Variants in UBE2G1 observed in about 807,000 individuals in gnomAD.
UBE2G1 encodes the protein ubiquitin conjugating enzyme E2 G1, also known as ubiquitin-conjugating enzyme E2 G1.
In UBE2G1, 5 loss-of-function variants were observed where a neutral mutation model predicts 22.7. The ratio of observed to expected loss-of-function variants is 0.22; its 90% confidence interval spans 0.12 to 0.46. The LOEUF (loss-of-function observed/expected upper bound fraction) is 0.46, where lower values mean the gene tolerates loss of function less well. Ranked by LOEUF, UBE2G1 falls within the 20% of genes least tolerant of loss-of-function variation. UBE2G1 has a pLI of 0.99. For missense variants in UBE2G1, 88 were observed against 203.9 expected, an observed-to-expected ratio of 0.43 and a Z score of 3.46; for synonymous variants, 74 against 67.5, an observed-to-expected ratio of 1.10 and a Z score of -0.47.
chr17:4,338,203 T>C (rs1160987483), intron 1 of UBE2G1, among the ~76,000 whole-genome samples: 2 of 148,416 alleles, frequency 1.3e-5, no homozygotes, highest in Non-Finnish European at 3.0e-5. Context: ...TTAGGCGCTA[T>C]ATTTTGATGG....
intron 2 of UBE2G1, chr17:4,302,426 C>G (rs1969194643): frequency 2.0e-6 from 1 of 506,904 alleles, no homozygotes; most frequent in Non-Finnish European, 4.0e-6. Flanking sequence ...TTTTGGCCAA[C>G]AGTGGCATCT....
chr17:4,293,008 T>C (rs1428277722), intron 3 of UBE2G1, among the ~76,000 whole-genome samples: 1 of 152,190 alleles, frequency 6.6e-6, no homozygotes, highest in African/African-American at 2.4e-5. Flanking sequence ...TTCACCTATT[T>C]GAAAAGCACG....
intron 5 of UBE2G1, among the ~76,000 whole-genome samples, chr17:4,280,800 A>G (rs1395636984): frequency 6.6e-6 from 1 of 151,484 alleles, no homozygotes; most frequent in Non-Finnish European, 1.5e-5. Context: ...TGCCTGGCTA[A>G]TTTTTTATAT....
chr17:4,351,651 A>C (rs1282348493), intron 1 of UBE2G1, among the ~76,000 whole-genome samples: 1 of 152,258 alleles, frequency 6.6e-6, no homozygotes, highest in East Asian at 1.9e-4. Flanking sequence ...AGAAGAAAAA[A>C]GAATGAACAG....
At chr17:4,277,828 T>G (rs1454183688) in intron 5 of UBE2G1, among the ~76,000 whole-genome samples, 2 of 151,934 alleles carry the variant, frequency 1.3e-5, no homozygotes, top group Non-Finnish European at 2.9e-5. Flanking sequence ...GATAAAGCCG[T>G]GAGAAAAGCC....
intron 4 of UBE2G1, among the ~76,000 whole-genome samples, chr17:4,284,580 G>T (rs951825008): frequency 6.6e-6 from 1 of 151,292 alleles, no homozygotes; most frequent in Non-Finnish European, 1.5e-5. Flanking sequence ...CAGCCTGGGC[G>T]ACAGAGCGAG....
chr17:4,344,269 G>A (rs757824822), intron 1 of UBE2G1, among the ~76,000 whole-genome samples: 26 of 152,144 alleles, frequency 1.7e-4, no homozygotes, highest in Admixed American at 5.9e-4. Context: ...GGCCGGGCGC[G>A]GTGGCTCGCG....
intron 1 of UBE2G1, among the ~76,000 whole-genome samples, chr17:4,340,724 G>A (rs529049421): frequency 6.6e-6 from 1 of 152,044 alleles, no homozygotes; most frequent in African/African-American, 2.4e-5. Context: ...GTCTCGGGCA[G>A]TTCTTTATAG....
intron 2 of UBE2G1, chr17:4,302,646 A>AC (rs1969198279): frequency 3.1e-6 from 1 of 327,856 alleles, no homozygotes; most frequent in East Asian, 7.3e-5. Context: ...CAGGGTGAGA[A>AC]CCTAAATTAT....
At chr17:4,279,073 G>A (rs548634313) in intron 5 of UBE2G1, among the ~76,000 whole-genome samples, 31 of 152,182 alleles carry the variant, frequency 2.0e-4, no homozygotes, top group African/African-American at 7.2e-4. Flanking sequence ...TCAGGAGTTC[G>A]AGGCCAGCCT....
chr17:4,287,394 G>A (rs1225723428), intron 4 of UBE2G1, among the ~76,000 whole-genome samples: 1 of 152,022 alleles, frequency 6.6e-6, no homozygotes, highest in African/African-American at 2.4e-5. Flanking sequence ...GAGCCACCAC[G>A]CCTGGCCAAC....
chr17:4,356,384 TAAAA>T (rs1031868549), intron 1 of UBE2G1, among the ~76,000 whole-genome samples: 2 of 151,958 alleles, frequency 1.3e-5, no homozygotes, highest in African/African-American at 4.8e-5. Context: ...AATAAATAAA[TAAAA>T]AACGTTGTTT....
chr17:4,314,596 A>G (rs941592800), intron 1 of UBE2G1, among the ~76,000 whole-genome samples: 1 of 152,240 alleles, frequency 6.6e-6, no homozygotes, highest in African/African-American at 2.4e-5. Flanking sequence ...CTATTTGATC[A>G]AATGAGGTTT....
chr17:4,354,805 C>T (rs1220334590), intron 1 of UBE2G1, among the ~76,000 whole-genome samples: 2 of 151,694 alleles, frequency 1.3e-5, no homozygotes, highest in East Asian at 3.9e-4. Context: ...AGCATGGTGG[C>T]GCGTGCCTGT....
intron 1 of UBE2G1, among the ~76,000 whole-genome samples, chr17:4,337,141 T>C (rs577133757): frequency 6.6e-6 from 1 of 151,874 alleles, no homozygotes; most frequent in African/African-American, 2.4e-5. Context: ...AAACTGCCCA[T>C]ATAAAAATCT....
intron 1 of UBE2G1, among the ~76,000 whole-genome samples, chr17:4,312,629 G>A (rs1057436024): frequency 6.7e-6 from 1 of 149,632 alleles, no homozygotes; most frequent in Non-Finnish European, 1.5e-5. Flanking sequence ...CTGGGAGGCG[G>A]AGCTTGCAAT....
chr17:4,323,520 G>A (rs1008736098), intron 1 of UBE2G1, among the ~76,000 whole-genome samples: 1 of 152,186 alleles, frequency 6.6e-6, no homozygotes, highest in Admixed American at 6.5e-5. Flanking sequence ...CCAAAGTTTA[G>A]AGAAAGTCAT....
At position 4,337,611 on chromosome 17, in the gene UBE2G1, C is replaced by T. The variant is rs540444108; in HGVS notation, c.46+28660G>A. On this transcript the variant is annotated intron_variant, in intron 1 of 5. Coordinates refer to ENST00000396981, the MANE Select transcript of UBE2G1 (RefSeq NM_003342.5). ...GAGGTTGCAATGAGCTGAAATCACGCCACTGCACTCCAGCCTGGGCAACAA... is the reference window on the plus strand; with the variant it reads ...GAGGTTGCAATGAGCTGAAATCACGTCACTGCACTCCAGCCTGGGCAACAA... 1.4e-3 allele frequency among the ~76,000 whole-genome samples: 208 copies of T among 150,286 alleles called. 1 individual carries two copies. The highest frequency in any genetic ancestry group is 4.8e-3 in the African/African-American group (195 of 41,044).
intron 2 of UBE2G1, among the ~76,000 whole-genome samples, chr17:4,298,940 G>A (rs1252317089): frequency 6.6e-6 from 1 of 152,194 alleles, no homozygotes; most frequent in African/African-American, 2.4e-5. Flanking sequence ...TGTGAAGAGT[G>A]CATTACACCA....
Sources: allele counts gnomAD v4.1 joint callset (sites outside exome capture counted in the v4.1 genomes callset), GRCh38; gene constraint gnomAD v4.1.1; transcripts MANE v1.5; gene names NCBI Gene and HGNC (gene_info 2026-07-23, HGNC 2026-07-21).